ZPBP: variants seen among roughly 807,000 people sequenced by gnomAD.
The protein encoded by ZPBP is zona pellucida-binding protein 1.
A neutral mutation model predicts 44.8 loss-of-function variants in ZPBP; 26 were observed. The ratio of observed to expected loss-of-function variants is 0.58; its 90% CI spans 0.43 to 0.81. ZPBP has a LOEUF of 0.81. Ranked by LOEUF, ZPBP falls within the 30% of genes least tolerant of loss-of-function variation. The pLI is 0.00. For missense variants in ZPBP, 409 were observed against 434.0 expected, an observed-to-expected ratio of 0.94 and a Z score of 0.51; for synonymous variants, 174 against 153.2, an observed-to-expected ratio of 1.14 and a Z score of -1.00.
At chr7:50,042,367 T>C (rs1389100664) in intron 4 of ZPBP, among the ~76,000 whole-genome samples, 5 of 152,008 alleles carry the variant, frequency 3.3e-5, no homozygotes, top group Non-Finnish European at 1.5e-5. Flanking sequence ...CCAAGACACA[T>C]AATTGTCAGA....
chr7:49,877,481 A>AATATATATAT, intron 2 of ZPBP, among the ~76,000 whole-genome samples: 3 of 12,706 alleles, frequency 2.4e-4, no homozygotes, highest in Admixed American at 1.4e-3. Context: ...AAAAAAAAAA[A>AATATATATAT]ATATATATAT....
chr7:50,087,132 C>A (rs1562619583), intron 2 of ZPBP, among the ~76,000 whole-genome samples: 1 of 151,980 alleles, frequency 6.6e-6, no homozygotes, highest in Non-Finnish European at 1.5e-5. Context: ...ACAGAATTAA[C>A]AACAATCCTT....
chr7:49,966,189 C>A (rs1163827107), intron 7 of ZPBP, among the ~76,000 whole-genome samples: 1 of 151,860 alleles, frequency 6.6e-6, no homozygotes, highest in African/African-American at 2.4e-5. Context: ...ACATAAATAC[C>A]CCTCTTTAAA....
intron 4 of ZPBP, among the ~76,000 whole-genome samples, chr7:50,032,551 T>A (rs1445942105): frequency 6.6e-6 from 1 of 152,134 alleles, no homozygotes; most frequent in Non-Finnish European, 1.5e-5. Flanking sequence ...CCAGCAACAA[T>A]TCAGGATCAG....
chr7:49,980,376 A>G (rs939547646), intron 7 of ZPBP, among the ~76,000 whole-genome samples: 3 of 145,248 alleles, frequency 2.1e-5, no homozygotes, highest in African/African-American at 7.6e-5. Flanking sequence ...CAGTCTTAAA[A>G]GAGTTTAAAA....
At chr7:49,918,426 T>G (rs1230358974) in intron 1 of ZPBP, 1 of 152,186 alleles carries the variant, frequency 6.6e-6, no homozygotes, top group African/African-American at 2.4e-5. Context: ...AGAATATCAA[T>G]CTTGATACTT....
intron 1 of ZPBP, among the ~76,000 whole-genome samples, chr7:49,928,689 C>A (rs747367151): frequency 6.6e-6 from 1 of 152,146 alleles, no homozygotes; most frequent in Non-Finnish European, 1.5e-5. Flanking sequence ...ACCACTCCCT[C>A]GGGACCTGCT....
chr7:49,859,787 CGT>C (rs1491324470), intron 2 of ZPBP, among the ~76,000 whole-genome samples: 9,514 of 74,854 alleles, frequency 0.13, 388 homozygotes, highest in African/African-American at 0.21. Flanking sequence ...AGTGCGCGTG[CGT>C]GCACACACAC....
chr7:49,863,418 C>T (rs954191944), intron 2 of ZPBP, among the ~76,000 whole-genome samples: 44 of 151,982 alleles, frequency 2.9e-4, no homozygotes, highest in East Asian at 1.9e-4. Context: ...TTTGTTGATT[C>T]TCTCTCCCTT....
chr7:50,059,714 G>A (rs1460218560), intron 3 of ZPBP, among the ~76,000 whole-genome samples: 1 of 152,034 alleles, frequency 6.6e-6, no homozygotes, highest in Non-Finnish European at 1.5e-5. Flanking sequence ...CCACACTAGA[G>A]AAAGCAATTA....
At chr7:50,053,964 C>G (rs796153253) in intron 4 of ZPBP, among the ~76,000 whole-genome samples, 7 of 152,304 alleles carry the variant, frequency 4.6e-5, no homozygotes, top group African/African-American at 1.7e-4. Context: ...ATCCGGCTCA[C>G]TGCAGCTTCC....
intron 7 of ZPBP, among the ~76,000 whole-genome samples, chr7:49,966,845 T>C (rs953583923): frequency 2.6e-5 from 4 of 152,126 alleles, no homozygotes; most frequent in African/African-American, 9.7e-5. Context: ...GGAAAGTTCT[T>C]TGTAGGATCC....
chr7:49,923,174 A>C (rs992174520), intron 1 of ZPBP, among the ~76,000 whole-genome samples: 1 of 152,204 alleles, frequency 6.6e-6, no homozygotes, highest in East Asian at 1.9e-4. Flanking sequence ...ATGGAACAGA[A>C]AAACAATGGT....
chr7:49,874,865 T>G (rs562913787), intron 2 of ZPBP, among the ~76,000 whole-genome samples: 1 of 151,944 alleles, frequency 6.6e-6, no homozygotes, highest in South Asian at 2.1e-4. Flanking sequence ...TCAGAGAGTA[T>G]GGCCAGAACC....
chr7:49,862,591 CT>C (rs1482058948), intron 2 of ZPBP, among the ~76,000 whole-genome samples: 3 of 151,718 alleles, frequency 2.0e-5, no homozygotes, highest in Admixed American at 6.6e-5. Context: ...AAAATGTTAG[CT>C]GTAGGTTTTT....
chr7:50,045,275 A>G (rs1026487288), intron 4 of ZPBP, among the ~76,000 whole-genome samples: 1 of 152,222 alleles, frequency 6.6e-6, no homozygotes, highest in Non-Finnish European at 1.5e-5. Flanking sequence ...CTCCTATTCA[A>G]TATAGTATTG....
At position 50,081,875 on chromosome 7, in the gene ZPBP, T is replaced by C. The variant is rs776069129; in HGVS notation, c.233A>G (p.Gln78Arg). 5.0e-6 allele frequency: 8 copies of C among 1,611,130 alleles called. No homozygotes were observed. Among genetic ancestry groups the C allele is most frequent in the African/African-American group, 4.0e-5 (3 of 74,788 alleles). Residue 78 changes from glutamine (Q) to arginine (R), a missense_variant, in exon 3 of 8, where the codon CAA becomes CGA. Gln to Arg is a conservative substitution (Grantham distance 43, BLOSUM62 1). Around this residue, in one of 2 missense-constraint regions of ZPBP, gnomAD observed 367 missense variants for 363.1 expected, o/e 1.01. Coordinates refer to ENST00000046087, the MANE Select transcript of ZPBP (RefSeq NM_007009.3). ...FPVKAYVMLH[Q>R]KSPHVLCVTQ... The stretch of plus-strand genomic sequence containing the variant: ...TACACATAACACGTGTGGACTCTTT[T>C]GATGGAGCATGACATACGCTTTCAC...
chr7:49,946,433 C>T (rs1400804009), intron 7 of ZPBP, among the ~76,000 whole-genome samples: 1 of 152,040 alleles, frequency 6.6e-6, no homozygotes, highest in African/African-American at 2.4e-5. Context: ...TATTTCTTCT[C>T]CATGTTTGAA....
chr7:50,011,017 T>C (rs1449782130), intron 6 of ZPBP, among the ~76,000 whole-genome samples: 3 of 150,482 alleles, frequency 2.0e-5, no homozygotes, highest in Non-Finnish European at 4.4e-5. Flanking sequence ...AAAACAGGCA[T>C]GCAGACCAAT....
Sources: gnomAD v4.1 joint callset for allele counts (sites outside exome capture counted in the v4.1 genomes callset) on GRCh38, gnomAD v4.1.1 for gene constraint, gnomAD v4.1.1 regional missense constraint, MANE v1.5 for transcripts, NCBI Gene and HGNC (gene_info 2026-07-23, HGNC 2026-07-21) for gene names.